Variants in PCDH11X observed in about 807,000 individuals in gnomAD.
PCDH11X encodes protocadherin-11 X-linked.
PCDH11X carries 18 observed loss-of-function variants against 53.3 expected under a neutral mutation model. The ratio of observed to expected loss-of-function variants is 0.34; its 90% CI spans 0.23 to 0.50. PCDH11X has a LOEUF of 0.50. Ranked by LOEUF, PCDH11X falls within the 20% of genes least tolerant of loss-of-function variation. The pLI is 0.98. For synonymous variants in PCDH11X, 279 were observed against 393.3 expected (o/e 0.71, Z 3.44); for missense variants, 570 against 1,032.4 (o/e 0.55, Z 6.14).
chrX:92,456,561 A>G (rs1378331989), intron 9 of PCDH11X, among the ~76,000 whole-genome samples: 1 of 111,269 alleles, frequency 9.0e-6, no homozygotes, highest in Non-Finnish European at 1.9e-5. Flanking sequence ...CCAAAGAGCC[A>G]TTACCTTAAA....
intron 9 of PCDH11X, among the ~76,000 whole-genome samples, chrX:92,426,632 A>G (rs1184878257): frequency 9.2e-6 from 1 of 108,899 alleles, no homozygotes; most frequent in African/African-American, 3.3e-5. Flanking sequence ...GCATAAAATA[A>G]TACTATTTTA....
intron 5 of PCDH11X, among the ~76,000 whole-genome samples, chrX:91,874,022 C>A (rs1939463897): frequency 9.0e-6 from 1 of 110,962 alleles, no homozygotes; most frequent in Non-Finnish European, 1.9e-5. Flanking sequence ...ACCACCATGA[C>A]CTTGGCATCT....
At chrX:92,215,987 T>A (rs1364522527) in intron 7 of PCDH11X, among the ~76,000 whole-genome samples, 1 of 109,981 alleles carries the variant, frequency 9.1e-6, no homozygotes, top group Non-Finnish European at 1.9e-5. Context: ...GACCTGAAGC[T>A]GAGGGTCCTG....
At chrX:92,147,737 T>C (rs763413018) in intron 6 of PCDH11X, among the ~76,000 whole-genome samples, 1 of 109,534 alleles carries the variant, frequency 9.1e-6, no homozygotes, top group African/African-American at 3.3e-5. Context: ...CCTGTGACCT[T>C]TTCTCTCCTA....
intron 6 of PCDH11X, among the ~76,000 whole-genome samples, chrX:91,915,973 A>G (rs1427310162): frequency 1.1e-4 from 12 of 110,149 alleles, no homozygotes; most frequent in Admixed American, 4.9e-4. Context: ...TTTAAGAAAA[A>G]AATTATATCA....
At chrX:92,325,036 A>C (rs2069297447) in intron 8 of PCDH11X, among the ~76,000 whole-genome samples, 1 of 111,724 alleles carries the variant, frequency 9.0e-6, no homozygotes, top group Non-Finnish European at 1.9e-5. Context: ...ATGGTAGTCC[A>C]TGCATTTTCT....
intron 6 of PCDH11X, among the ~76,000 whole-genome samples, chrX:92,153,049 G>A (rs2065467636): frequency 9.3e-6 from 1 of 107,787 alleles, no homozygotes; most frequent in Admixed American, 1.0e-4. Context: ...GCCTCCCAAA[G>A]TGCTGAGATT....
intron 8 of PCDH11X, among the ~76,000 whole-genome samples, chrX:92,321,494 C>A (rs1603271077): frequency 9.0e-6 from 1 of 111,347 alleles, no homozygotes; most frequent in African/African-American, 3.3e-5. Flanking sequence ...CCGCGCCCGG[C>A]CGTGTAATTG....
chrX:91,971,958 T>C (rs948574807), intron 6 of PCDH11X, among the ~76,000 whole-genome samples: 1 of 111,567 alleles, frequency 9.0e-6, no homozygotes, highest in Admixed American at 9.6e-5. Context: ...ACACAAAATT[T>C]TAATTAGATA....
chrX:92,545,607 G>C (rs1161154156), intron 10 of PCDH11X, among the ~76,000 whole-genome samples: 2 of 109,456 alleles, frequency 1.8e-5, no homozygotes, highest in African/African-American at 6.7e-5. Context: ...CACCATGTTG[G>C]CCAGACTGGT....
chrX:92,294,801 A>T, intron 8 of PCDH11X, among the ~76,000 whole-genome samples: 1 of 105,569 alleles, frequency 9.5e-6, no homozygotes, highest in African/African-American at 3.4e-5. Context: ...ATTCATAAAA[A>T]TAAATAGTAA....
chrX:91,987,803 T>G (rs2062250683), intron 6 of PCDH11X, among the ~76,000 whole-genome samples: 1 of 110,179 alleles, frequency 9.1e-6, no homozygotes, highest in Admixed American at 9.7e-5. Context: ...AAAATTTGTG[T>G]TAAGGTTCAT....
chrX:92,401,971 C>A (rs1407321524), intron 9 of PCDH11X, among the ~76,000 whole-genome samples: 2 of 111,374 alleles, frequency 1.8e-5, no homozygotes, highest in Admixed American at 1.9e-4. Flanking sequence ...TGAATTAATC[C>A]TTCATGTCCT....
intron 6 of PCDH11X, among the ~76,000 whole-genome samples, chrX:92,132,687 G>GTATA (rs369282634): frequency 1.9e-4 from 13 of 67,735 alleles, no homozygotes; most frequent in Non-Finnish European, 2.9e-4. Context: ...ATATATATAT[G>GTATA]TATATATATA....
intron 6 of PCDH11X, among the ~76,000 whole-genome samples, chrX:92,013,028 C>T (rs1253170773): frequency 3.0e-4 from 33 of 111,103 alleles, no homozygotes; most frequent in Middle Eastern, 4.6e-3. Flanking sequence ...AAGTTCTGGC[C>T]AAGGCAATCA....
intron 6 of PCDH11X, among the ~76,000 whole-genome samples, chrX:91,973,796 G>C (rs981242929): frequency 1.8e-4 from 20 of 108,201 alleles, no homozygotes; most frequent in Non-Finnish European, 3.4e-4. Flanking sequence ...TGTATGTTTA[G>C]TAGAGATGAT....
At chrX:92,071,868 A>G (rs1188121130) in intron 6 of PCDH11X, among the ~76,000 whole-genome samples, 3 of 112,160 alleles carry the variant, frequency 2.7e-5, no homozygotes, top group African/African-American at 9.7e-5. Context: ...TTGCTAGGTC[A>G]TTCCTGAAGC....
intron 9 of PCDH11X, among the ~76,000 whole-genome samples, chrX:92,451,262 T>C (rs1395454100): frequency 1.8e-5 from 2 of 111,411 alleles, no homozygotes; most frequent in Non-Finnish European, 3.8e-5. Flanking sequence ...ATTTGCATAA[T>C]TTTTTTAAAT....
chrX:92,333,259 G>A (rs1223585559), intron 8 of PCDH11X, among the ~76,000 whole-genome samples: 8 of 109,971 alleles, frequency 7.3e-5, no homozygotes, highest in Non-Finnish European at 1.1e-4. Context: ...GGCTTAATAC[G>A]TATAAAGTAT....
Sources: allele counts gnomAD v4.1 joint callset (sites outside exome capture counted in the v4.1 genomes callset), GRCh38; gene constraint gnomAD v4.1.1; transcripts MANE v1.5; gene names NCBI Gene and HGNC (gene_info 2026-07-23, HGNC 2026-07-21).